The following SLC3A1 variants were observed in gnomAD, a reference collection of about 807,000 sequenced individuals.
The protein encoded by SLC3A1 is amino acid transporter heavy chain SLC3A1.
SLC3A1 carries 78 observed loss-of-function variants against 60.3 expected under a neutral mutation model. The ratio of observed to expected loss-of-function variants is 1.29; its 90% confidence interval spans 1.08 to 1.56. The LOEUF (loss-of-function observed/expected upper bound fraction) is 1.56, where lower values mean the gene tolerates loss of function less well. SLC3A1 is among the 40% of genes most tolerant of loss of function. The pLI is 0.00. For missense variants in SLC3A1, 1,172 were observed against 858.9 expected, an observed-to-expected ratio of 1.36 and a Z score of -4.56; for synonymous variants, 392 against 307.9, an observed-to-expected ratio of 1.27 and a Z score of -2.86.
intron 4 of SLC3A1, among the ~76,000 whole-genome samples, chr2:44,292,421 T>C (rs955085692): frequency 6.6e-6 from 1 of 152,170 alleles, no homozygotes; most frequent in Admixed American, 6.5e-5. Context: ...ATTATAATCA[T>C]TCACTCATTT....
Position 44,320,452 on chromosome 2 carries a change from C to T in SLC3A1, c.1871C>T (p.Thr624Ile), listed in dbSNP as rs745773702. 1.2e-5 allele frequency: 20 copies of T among 1,614,008 alleles called. No individual in the cohort carries two copies. Among genetic ancestry groups the T allele is most frequent in the Admixed American group, 1.7e-5 (1 of 59,984 alleles). ...GCTAAAATGAGAATAAGGTTAAGTACCAATTCTGCCGACAAAGGCAGTAAA... is the reference window on the plus strand; with the variant it reads ...GCTAAAATGAGAATAAGGTTAAGTATCAATTCTGCCGACAAAGGCAGTAAA... ...LPAKMRIRLSTNSADKGSKVD... is the reference protein window; with the variant it reads ...LPAKMRIRLSINSADKGSKVD... Residue 624 changes from threonine (T) to isoleucine (I), a missense_variant, in exon 10 of 10, where the codon ACC (threonine) becomes ATC (isoleucine). Coordinates refer to ENST00000260649, the MANE Select transcript of SLC3A1 (RefSeq NM_000341.4).
chr2:44,281,504 C>A lies in SLC3A1; in HGVS notation c.728C>A (p.Thr243Asn). 1 of 1,613,874 alleles carries A rather than the reference C, an allele frequency of 6.2e-7. No homozygotes were observed. The highest frequency in any genetic ancestry group is 1.1e-5 in the South Asian group (1 of 91,074). The change falls in exon 3 of 10, where the codon ACC (threonine) becomes AAC (asparagine). Residue 243 changes from threonine (T) to asparagine (N), a missense_variant. Physicochemically the swap from Thr to Asn is moderately conservative, Grantham distance 65. Transcript: ENST00000260649. ...YTDYYIWHDC[T>N]HENGKTIPPN... ...GATTATTATATCTGGCATGACTGTA[C>A]CCATGAAAATGGCAAAACCATTCCA...
chr2:44,321,579 G>T, downstream of SLC3A1: 1 of 1,494,116 alleles, frequency 6.7e-7, no homozygotes, highest in South Asian at 1.4e-5. Flanking sequence ...TTTCATTCGA[G>T]AGAGAGGCAG....
intron 7 of SLC3A1, among the ~76,000 whole-genome samples, chr2:44,305,359 C>T (rs1024797398): frequency 6.6e-5 from 10 of 151,770 alleles, no homozygotes; most frequent in Non-Finnish European, 1.5e-4. Flanking sequence ...CAAAGTCCCA[C>T]GGTAATAGTG....
chr2:44,319,095 A>C (rs1006576961), intron 9 of SLC3A1: 1 of 152,620 alleles, frequency 6.6e-6, no homozygotes, highest in African/African-American at 2.4e-5. Flanking sequence ...GACAAGTCAT[A>C]CATGTATCAT....
chr2:44,309,724 G>A (rs970820870), intron 7 of SLC3A1, among the ~76,000 whole-genome samples: 1 of 152,128 alleles, frequency 6.6e-6, no homozygotes, highest in Non-Finnish European at 1.5e-5. Flanking sequence ...TTAGCCTCCT[G>A]TGTAGCTTGG....
chr2:44,311,041 T>G (rs950271820), intron 7 of SLC3A1, among the ~76,000 whole-genome samples: 2 of 152,146 alleles, frequency 1.3e-5, no homozygotes, highest in Non-Finnish European at 2.9e-5. Flanking sequence ...AGCATCTTCC[T>G]GCCTTGGCAT....
chr2:44,283,233 G>T (rs898756466), intron 3 of SLC3A1, among the ~76,000 whole-genome samples: 2 of 152,158 alleles, frequency 1.3e-5, no homozygotes, highest in African/African-American at 4.8e-5. Context: ...ACTTTGTGAT[G>T]TGTGATTTTC....
chr2:44,280,985 C>G, intron 2 of SLC3A1, 90 bp downstream of exon 2: 2 of 1,099,204 alleles, frequency 1.8e-6, no homozygotes. Flanking sequence ...TTCTCCTTAA[C>G]TGTCATATAC....
intron 9 of SLC3A1, chr2:44,319,754 C>T (rs1250156692): frequency 1.3e-5 from 2 of 158,646 alleles, no homozygotes; most frequent in African/African-American, 2.4e-5. Context: ...CTTCGCACAA[C>T]AGCAACCTAC....
chr2:44,306,776 C>T (rs1397022248), intron 7 of SLC3A1, among the ~76,000 whole-genome samples: 1 of 151,822 alleles, frequency 6.6e-6, no homozygotes, highest in East Asian at 1.9e-4. Context: ...AGGCTGGTCT[C>T]GAACTCCTGA....
At chr2:44,299,440 G>C (rs527887094) in intron 4 of SLC3A1, among the ~76,000 whole-genome samples, 1 of 152,304 alleles carries the variant, frequency 6.6e-6, no homozygotes, top group Non-Finnish European at 1.5e-5. Flanking sequence ...GTTGATGGTT[G>C]ATTCTATTTT....
intron 2 of SLC3A1, 122 bp downstream of exon 2, chr2:44,281,017 CCCTT>C (rs1217737168): frequency 2.9e-5 from 23 of 792,226 alleles, no homozygotes; most frequent in Middle Eastern, 2.4e-4. Context: ...CTCCCTCCCT[CCCTT>C]CCTTCTTTCT....
rs1324556960 is a variant in SLC3A1, at chr2:44,275,863, C to G, written c.328C>G (p.Leu110Val). The change falls in exon 1 of 10, where the codon CTC becomes GTC. Residue 110 changes from leucine (L) to valine (V), a missense_variant. Leu to Val is a conservative substitution (Grantham distance 32, BLOSUM62 1). Coordinates refer to ENST00000260649, the MANE Select transcript of SLC3A1 (RefSeq NM_000341.4). ...LIAATIAIIA[L>V]SPKCLDWWQE... ...CGCGGCCACCATAGCCATCATTGCC[C>G]TCTCTCCAAAGTGCCTAGACTGGTG... The G allele has an allele frequency of 6.2e-7, 1 of 1,614,240 alleles. No homozygotes were observed. The highest frequency in any genetic ancestry group is 2.2e-5 in the East Asian group (1 of 44,880).
chr2:44,300,857 C>A, intron 5 of SLC3A1, 146 bp from the exon 6 acceptor site: 1 of 827,298 alleles, frequency 1.2e-6, no homozygotes, highest in Non-Finnish European at 2.1e-6. Context: ...TCAAATGAAG[C>A]ATTCTTCTCC....
chr2:44,312,538 C>T, intron 7 of SLC3A1, 48 bp from the exon 8 acceptor site: 1 of 1,593,810 alleles, frequency 6.3e-7, no homozygotes. Context: ...GTAAATCTTT[C>T]AGAAAACTGT....
intron 4 of SLC3A1, among the ~76,000 whole-genome samples, chr2:44,299,609 T>C (rs1327285128): frequency 6.6e-6 from 1 of 152,220 alleles, no homozygotes; most frequent in African/African-American, 2.4e-5. Flanking sequence ...GAGTTGGGCA[T>C]GAGGGAGATG....
intron 2 of SLC3A1, 82 bp downstream of exon 2, chr2:44,280,977 C>A: frequency 1.7e-6 from 2 of 1,195,342 alleles, no homozygotes; most frequent in African/African-American, 1.5e-5. Flanking sequence ...AGCATTTCTT[C>A]TCCTTAACTG....
chr2:44,298,369 TA>T (rs1175681351), intron 4 of SLC3A1, among the ~76,000 whole-genome samples: 1 of 149,938 alleles, frequency 6.7e-6, no homozygotes, highest in Non-Finnish European at 1.5e-5. Context: ...GCCACCCCCC[TA>T]TCCCTGCCAC....
Sources: allele counts gnomAD v4.1 joint callset (sites outside exome capture counted in the v4.1 genomes callset), GRCh38; gene constraint gnomAD v4.1.1; transcripts MANE v1.5; gene names NCBI Gene and HGNC (gene_info 2026-07-23, HGNC 2026-07-21).